PKP2: variants seen among roughly 807,000 people sequenced by gnomAD.
The protein encoded by PKP2 is plakophilin 2, also known as plakophilin-2.
A neutral mutation model predicts 83.4 loss-of-function variants in PKP2; 73 were observed. The observed-to-expected ratio is 0.88, with a 90% CI of 0.72 to 1.06. PKP2 has a LOEUF of 1.06. PKP2 is among the 50% of genes least tolerant of loss of function. The probability of loss-of-function intolerance (pLI) is 0.00; values close to 1 mark genes in which losing one functional copy is unlikely to be tolerated. For synonymous variants in PKP2, 409 were observed against 430.4 expected, an observed-to-expected ratio of 0.95 and a Z score of 0.62; for missense variants, 966 against 1,065.4, an observed-to-expected ratio of 0.91 and a Z score of 1.30.
At position 32,878,951 on chromosome 12, in the gene PKP2, G is replaced by A. The variant is rs990377209; in HGVS notation, c.305C>T (p.Ser102Phe). 6.3e-7 allele frequency: 1 copy of A among 1,598,704 alleles called. No individual in the cohort carries two copies. ...CATGTCATAGGTTTTAGGAACAGGG[G>A]AACGGCCTCCAACAAAATCATTTTC... ...LVENDFVGGRSPVPKTYDMLK... is the reference protein window; with the variant it reads ...LVENDFVGGRFPVPKTYDMLK... The change falls in exon 2 of 13, where the codon TCC becomes TTC. Residue 102 changes from serine to phenylalanine, a missense_variant. Physicochemically the swap from Ser to Phe is radical, Grantham distance 155. Transcript: ENST00000340811.
At chr12:32,796,896 C>G (rs934960135) in intron 10 of PKP2, among the ~76,000 whole-genome samples, 1 of 152,048 alleles carries the variant, frequency 6.6e-6, no homozygotes, top group Non-Finnish European at 1.5e-5. Flanking sequence ...AATTCCATGT[C>G]TAGGAATACA....
intron 4 of PKP2, among the ~76,000 whole-genome samples, chr12:32,853,544 T>C (rs1310434488): frequency 6.7e-6 from 1 of 149,968 alleles, no homozygotes; most frequent in Non-Finnish European, 1.5e-5. Context: ...TCTCGCTCTG[T>C]CGCTCAGGTT....
chr12:32,795,556 T>C (rs1235938611), intron 11 of PKP2, among the ~76,000 whole-genome samples: 1 of 152,124 alleles, frequency 6.6e-6, no homozygotes, highest in Non-Finnish European at 1.5e-5. Context: ...AATTTTTGTA[T>C]TTTTACTAGA....
At chr12:32,884,412 C>A (rs1187644616) in intron 1 of PKP2, among the ~76,000 whole-genome samples, 1 of 152,112 alleles carries the variant, frequency 6.6e-6, no homozygotes, top group African/African-American at 2.4e-5. Context: ...CAAGATCACG[C>A]CATTGCACTC....
At chr12:32,862,569 C>A (rs1387768437) in intron 4 of PKP2, among the ~76,000 whole-genome samples, 1 of 150,820 alleles carries the variant, frequency 6.6e-6, no homozygotes, top group Non-Finnish European at 1.5e-5. Flanking sequence ...CGCTTGAACC[C>A]AGGAGGTGGA....
At chr12:32,858,134 TTATATA>T (rs1189818316) in intron 4 of PKP2, among the ~76,000 whole-genome samples, 1 of 93,778 alleles carries the variant, frequency 1.1e-5, no homozygotes, top group African/African-American at 4.6e-5. Flanking sequence ...TATTTTATAT[TTATATA>T]TATATATATA....
chr12:32,870,158 G>A (rs900214649), intron 3 of PKP2, among the ~76,000 whole-genome samples: 13 of 152,162 alleles, frequency 8.5e-5, no homozygotes, highest in African/African-American at 2.9e-4. Flanking sequence ...TCCAGACACT[G>A]GAGACATCCT....
intron 7 of PKP2, among the ~76,000 whole-genome samples, chr12:32,822,873 T>G (rs1214350449): frequency 6.6e-6 from 1 of 151,950 alleles, no homozygotes; most frequent in African/African-American, 2.4e-5. Context: ...TTCTAAAGAG[T>G]GTGTCCAGAA....
intron 5 of PKP2, among the ~76,000 whole-genome samples, chr12:32,844,201 T>C (rs145397349): frequency 2.2e-3 from 330 of 152,342 alleles, no homozygotes; most frequent in Middle Eastern, 6.8e-3. Flanking sequence ...AGAAATGTCA[T>C]GCCTGTCAAA....
intron 6 of PKP2, among the ~76,000 whole-genome samples, chr12:32,832,401 C>A (rs1262508389): frequency 6.6e-6 from 1 of 151,630 alleles, no homozygotes; most frequent in African/African-American, 2.4e-5. Flanking sequence ...AAAAAATTTA[C>A]AAAGTAATTT....
At chr12:32,849,131 T>G (rs761163681) in intron 5 of PKP2, among the ~76,000 whole-genome samples, 1 of 152,084 alleles carries the variant, frequency 6.6e-6, no homozygotes, top group African/African-American at 2.4e-5. Context: ...ATAATTAAAT[T>G]AGAAAATGTA....
intron 1 of PKP2, among the ~76,000 whole-genome samples, chr12:32,895,276 G>A (rs1036559511): frequency 3.0e-4 from 45 of 151,948 alleles, no homozygotes; most frequent in Non-Finnish European, 3.2e-4. Context: ...TATTAACTAC[G>A]ATCATTGAAC....
intron 9 of PKP2, among the ~76,000 whole-genome samples, chr12:32,819,323 A>C (rs1183613350): frequency 1.2e-4 from 18 of 150,128 alleles, no homozygotes; most frequent in Non-Finnish European, 1.8e-4. Flanking sequence ...CAATAAAATA[A>C]AATAAAATAA....
Position 32,850,976 on chromosome 12 carries a change from G to A in PKP2, c.1171-3C>T, listed in dbSNP as rs753968614. On this transcript the variant is annotated splice_region_variant and splice_polypyrimidine_tract_variant and intron_variant, in intron 4 of 12. Transcript: ENST00000340811. ...AGGATGCCACGAAGCTGGTTAACCT[G>A]GGGAAGAAGCAGATGCATATTTCTA... is the stretch of plus-strand genomic sequence containing the variant. The A allele has an allele frequency of 6.2e-7, 1 of 1,612,806 alleles. No individual in the cohort carries two copies. The highest frequency in any genetic ancestry group is 1.1e-5 in the South Asian group (1 of 91,062).
chr12:32,844,673 G>A (rs1049515641), intron 5 of PKP2, among the ~76,000 whole-genome samples: 1 of 152,148 alleles, frequency 6.6e-6, no homozygotes, highest in East Asian at 1.9e-4. Flanking sequence ...TATCACTAGA[G>A]GGAATAAAAA....
rs1484523987 is a variant in PKP2 at position 32,794,346 on chromosome 12, T to C, written c.2358-1615A>G. ...TTGTTTGATACTTGGTACTCTTTTATTCAAAGATGTAATGTTATAAATGAT... is the reference window on the plus strand; with the variant it reads ...TTGTTTGATACTTGGTACTCTTTTACTCAAAGATGTAATGTTATAAATGAT... On this transcript the variant is annotated intron_variant, in intron 11 of 12. Transcript: ENST00000340811. 5.9e-5 allele frequency among the ~76,000 whole-genome samples: 9 copies of C among 152,346 alleles called. No individual in the cohort carries two copies. The East Asian group carries it at 1.7e-3, about 29-fold the overall frequency.
intron 1 of PKP2, among the ~76,000 whole-genome samples, chr12:32,886,545 C>T (rs1163227235): frequency 2.6e-5 from 4 of 152,146 alleles, no homozygotes; most frequent in East Asian, 1.9e-4. Flanking sequence ...ATAAAACATA[C>T]GATTCATTTC....
chr12:32,871,322 G>A (rs189727602), intron 3 of PKP2, among the ~76,000 whole-genome samples: 8 of 152,126 alleles, frequency 5.3e-5, no homozygotes, highest in East Asian at 1.9e-4. Flanking sequence ...TAGAGAGACA[G>A]TCCTATTCTG....
Position 32,796,161 on chromosome 12 carries a change from G to A in PKP2, c.2305C>T (p.Leu769Phe), listed in dbSNP as rs1464505673. Residue 769 changes from leucine (L) to phenylalanine (F), a missense_variant, in exon 11 of 13, where the codon CTT becomes TTT. Leu to Phe is a conservative substitution (Grantham distance 22). Coordinates refer to ENST00000340811, the MANE Select transcript of PKP2 (RefSeq NM_001005242.3). ...IQNSYQNARDLLNTGGIQKIM... is the reference protein window; with the variant it reads ...IQNSYQNARDFLNTGGIQKIM... ...TTCTGGATGCCCCCGGTGTTTAGAA[G>A]GTCGCGTGCATTCTGGTAACTGTTT... 6.2e-7 allele frequency: 1 copy of A among 1,614,110 alleles called. No homozygotes were observed. Among genetic ancestry groups the A allele is most frequent in the Admixed American group, 1.7e-5 (1 of 60,026 alleles).
Sources: gnomAD v4.1 joint callset for allele counts (sites outside exome capture counted in the v4.1 genomes callset) on GRCh38, gnomAD v4.1.1 for gene constraint, MANE v1.5 for transcripts, NCBI Gene and HGNC (gene_info 2026-07-23, HGNC 2026-07-21) for gene names.